The following MAML3 variants were observed in gnomAD, a reference collection of about 807,000 sequenced individuals.
MAML3 encodes the protein mastermind like transcriptional coactivator 3.
A neutral mutation model predicts 101.9 loss-of-function variants in MAML3; 27 were observed. The observed-to-expected ratio is 0.27, with a 90% CI of 0.20 to 0.37. The LOEUF (loss-of-function observed/expected upper bound fraction) is 0.37, where lower values mean the gene tolerates loss of function less well. Among genes scored for constraint, MAML3 ranks in the 10% least tolerant of loss-of-function variants. MAML3 has a pLI of 1.00. For synonymous variants in MAML3, 501 were observed against 555.9 expected (o/e 0.90, Z 1.39); for missense variants, 1,316 against 1,444.9 (o/e 0.91, Z 1.45).
At chr4:140,129,615 G>T (rs1457956329) in intron 1 of MAML3, among the ~76,000 whole-genome samples, 1 of 152,132 alleles carries the variant, frequency 6.6e-6, no homozygotes, top group African/African-American at 2.4e-5. Context: ...AAATTTTCAG[G>T]CTGCTGCGCA....
intron 1 of MAML3, among the ~76,000 whole-genome samples, chr4:140,135,006 C>G (rs554298825): frequency 1.8e-4 from 27 of 152,272 alleles, no homozygotes; most frequent in Non-Finnish European, 2.1e-4. Context: ...AGAAAAGAAA[C>G]CAGAATGGGT....
chr4:139,745,257 T>C (rs1400242463), intron 2 of MAML3, among the ~76,000 whole-genome samples: 3 of 151,528 alleles, frequency 2.0e-5, no homozygotes, highest in Non-Finnish European at 4.4e-5. Context: ...CAGATCTGCA[T>C]GCAGGCAGAT....
intron 1 of MAML3, among the ~76,000 whole-genome samples, chr4:140,069,619 A>AAAGAAAG (rs985247991): frequency 6.8e-6 from 1 of 146,202 alleles, no homozygotes; most frequent in East Asian, 2.0e-4. Context: ...AGAAGAAGAA[A>AAAGAAAG]AAGAAAGAAG....
intron 2 of MAML3, among the ~76,000 whole-genome samples, chr4:139,834,936 C>T (rs1257002014): frequency 6.6e-6 from 1 of 152,140 alleles, no homozygotes; most frequent in Non-Finnish European, 1.5e-5. Context: ...ATTTTGATCA[C>T]TGCAAAGGGA....
intron 1 of MAML3, among the ~76,000 whole-genome samples, chr4:140,016,353 T>A (rs1407600711): frequency 6.6e-6 from 1 of 152,206 alleles, no homozygotes; most frequent in South Asian, 2.1e-4. Flanking sequence ...AGATGTGACT[T>A]TTCCTTAACT....
chr4:139,824,572 C>T (rs1041570573), intron 2 of MAML3, among the ~76,000 whole-genome samples: 1 of 152,156 alleles, frequency 6.6e-6, no homozygotes, highest in African/African-American at 2.4e-5. Context: ...AAGATTAGTG[C>T]CTCTGACATG....
intron 1 of MAML3, among the ~76,000 whole-genome samples, chr4:140,056,218 G>A (rs1727346165): frequency 6.6e-6 from 1 of 152,194 alleles, no homozygotes; most frequent in Non-Finnish European, 1.5e-5. Context: ...ATTAACTGGT[G>A]TTCAGAGTAA....
chr4:139,828,928 G>A (rs1244826035), intron 2 of MAML3, among the ~76,000 whole-genome samples: 1 of 151,430 alleles, frequency 6.6e-6, no homozygotes, highest in Non-Finnish European at 1.5e-5. Flanking sequence ...AGCCAAGATT[G>A]TGCCACTGAA....
chr4:139,754,939 C>G (rs1029458182), intron 2 of MAML3, among the ~76,000 whole-genome samples: 7 of 152,224 alleles, frequency 4.6e-5, no homozygotes, highest in Non-Finnish European at 7.3e-5. Context: ...GCATGGTCGG[C>G]CTCTGTTCTC....
intron 1 of MAML3, among the ~76,000 whole-genome samples, chr4:139,986,555 A>G (rs1352967894): frequency 6.6e-6 from 1 of 152,164 alleles, no homozygotes; most frequent in Non-Finnish European, 1.5e-5. Context: ...TCTTATTCCA[A>G]TCAACCTATC....
intron 2 of MAML3, among the ~76,000 whole-genome samples, chr4:139,764,086 C>T (rs1729806713): frequency 6.6e-6 from 1 of 152,162 alleles, no homozygotes; most frequent in Non-Finnish European, 1.5e-5. Context: ...AAATAAATAG[C>T]TTTCTTAAGC....
chr4:139,824,265 T>A (rs1330530742), intron 2 of MAML3, among the ~76,000 whole-genome samples: 2 of 152,224 alleles, frequency 1.3e-5, no homozygotes, highest in African/African-American at 4.8e-5. Flanking sequence ...TCAGAAAAGA[T>A]CCTACCTTAA....
At position 140,031,806 on chromosome 4, in the gene MAML3, T is replaced by G. The variant is rs533984397; in HGVS notation, c.468+121054A>C. Reference sequence around the variant, plus strand: ...TGCCTGCCAAGGTGCATCTGAAAAATTTCTTCTTTCACAGAGATTTTCCTT... The same window carrying G: ...TGCCTGCCAAGGTGCATCTGAAAAAGTTCTTCTTTCACAGAGATTTTCCTT... On this transcript the variant is annotated intron_variant, in intron 1 of 4. Coordinates refer to ENST00000509479, the MANE Select transcript of MAML3 (RefSeq NM_018717.5). Among the ~76,000 whole-genome samples the G allele has an allele frequency of 5.3e-5, 8 of 152,216 alleles. No homozygotes were observed. The South Asian group carries it at 1.7e-3, about 32-fold the overall frequency.
chr4:140,090,073 T>C (rs987507538), intron 1 of MAML3, among the ~76,000 whole-genome samples: 1 of 152,270 alleles, frequency 6.6e-6, no homozygotes, highest in Non-Finnish European at 1.5e-5. Context: ...ACATAATAGC[T>C]GGACAATATC....
intron 2 of MAML3, among the ~76,000 whole-genome samples, chr4:139,802,977 A>G (rs1051028302): frequency 6.6e-6 from 1 of 152,264 alleles, no homozygotes; most frequent in Non-Finnish European, 1.5e-5. Flanking sequence ...AAGTGATTAC[A>G]TATTATGGTG....
chr4:140,019,105 A>C (rs753840914), intron 1 of MAML3, among the ~76,000 whole-genome samples: 1 of 145,360 alleles, frequency 6.9e-6, no homozygotes, highest in Non-Finnish European at 1.5e-5. Flanking sequence ...TTTTAGGTTA[A>C]CTCTGCCCTC....
At chr4:139,845,006 GTCTCTC>G (rs139759127) in intron 2 of MAML3, among the ~76,000 whole-genome samples, 3 of 148,420 alleles carry the variant, frequency 2.0e-5, no homozygotes, top group Non-Finnish European at 4.5e-5. Flanking sequence ...CTCTCTCTCT[GTCTCTC>G]TCTCTCTCTC....
chr4:139,850,585 G>A (rs1466708108), intron 2 of MAML3, among the ~76,000 whole-genome samples: 2 of 151,792 alleles, frequency 1.3e-5, no homozygotes, highest in Non-Finnish European at 2.9e-5. Context: ...CTATGCTGGA[G>A]TGCAGTGGCA....
chr4:140,145,391 G>T (rs1156567962), intron 1 of MAML3, among the ~76,000 whole-genome samples: 1 of 152,156 alleles, frequency 6.6e-6, no homozygotes, highest in Non-Finnish European at 1.5e-5. Flanking sequence ...CATTGCAAAA[G>T]GGGGATGAAT....
Sources: allele counts gnomAD v4.1 joint callset (sites outside exome capture counted in the v4.1 genomes callset), GRCh38; gene constraint gnomAD v4.1.1; transcripts MANE v1.5; gene names NCBI Gene and HGNC (gene_info 2026-07-23, HGNC 2026-07-21).